SAMD12: variants seen among roughly 807,000 people sequenced by gnomAD.
The protein encoded by SAMD12 is sterile alpha motif domain-containing protein 12.
SAMD12 carries 9 observed loss-of-function variants against 15.0 expected under a neutral mutation model. That is an observed-to-expected ratio of 0.60 (90% CI 0.36 to 1.05). SAMD12 has a LOEUF of 1.05. Among genes scored for constraint, SAMD12 ranks in the 50% least tolerant of loss-of-function variants. SAMD12 has a pLI of 0.01. For synonymous variants in SAMD12, 86 were observed against 90.1 expected, an observed-to-expected ratio of 0.96 and a Z score of 0.25; for missense variants, 230 against 234.2, an observed-to-expected ratio of 0.98 and a Z score of 0.12.
chr8:118,532,795 C>A (rs1825726890), intron 2 of SAMD12, among the ~76,000 whole-genome samples: 1 of 152,060 alleles, frequency 6.6e-6, no homozygotes, highest in Non-Finnish European at 1.5e-5. Context: ...TCCCCTTTAT[C>A]ATTTTTTATT....
intron 2 of SAMD12, among the ~76,000 whole-genome samples, chr8:118,560,760 T>C (rs1826678550): frequency 6.6e-6 from 1 of 152,160 alleles, no homozygotes; most frequent in Non-Finnish European, 1.5e-5. Context: ...TATGCGCATG[T>C]GAGAGGTCAC....
intron 2 of SAMD12, among the ~76,000 whole-genome samples, chr8:118,474,744 C>T (rs879853686): frequency 5.9e-5 from 9 of 152,060 alleles, no homozygotes; most frequent in African/African-American, 9.7e-5. Flanking sequence ...TTCCCATCAA[C>T]CCAATAAGAC....
chr8:118,558,665 TCTCC>T (rs1351908626), intron 2 of SAMD12, among the ~76,000 whole-genome samples: 2 of 152,112 alleles, frequency 1.3e-5, no homozygotes, highest in Non-Finnish European at 2.9e-5. Flanking sequence ...TTCACGCCAT[TCTCC>T]TGCCTCAGCC....
chr8:118,451,083 G>A (rs1001018964), intron 2 of SAMD12, among the ~76,000 whole-genome samples: 2 of 152,150 alleles, frequency 1.3e-5, no homozygotes, highest in African/African-American at 2.4e-5. Flanking sequence ...AGGTATTACT[G>A]CTAGTAGAGA....
At chr8:118,610,780 G>A (rs1158260239) in intron 1 of SAMD12, among the ~76,000 whole-genome samples, 2 of 152,162 alleles carry the variant, frequency 1.3e-5, no homozygotes, top group African/African-American at 2.4e-5. Flanking sequence ...TAGGATAAGA[G>A]CTTCAGTCTC....
intron 2 of SAMD12, among the ~76,000 whole-genome samples, chr8:118,462,737 A>G (rs1040845670): frequency 2.0e-5 from 3 of 152,212 alleles, no homozygotes; most frequent in Admixed American, 6.5e-5. Context: ...CAAGGACCAC[A>G]TGGGAAGACA....
intron 2 of SAMD12, among the ~76,000 whole-genome samples, chr8:118,537,392 T>G (rs11987118): frequency 0.019 from 2,899 of 152,320 alleles, 80 homozygotes; most frequent in African/African-American, 0.062. Flanking sequence ...TATCTTCTCT[T>G]TAGGGCAATA....
At chr8:118,567,569 G>T (rs1826885948) in intron 2 of SAMD12, among the ~76,000 whole-genome samples, 1 of 152,170 alleles carries the variant, frequency 6.6e-6, no homozygotes, top group South Asian at 2.1e-4. Flanking sequence ...AATTATCTAA[G>T]GGACAAAGAG....
At chr8:118,556,897 G>A (rs1826548113) in intron 2 of SAMD12, among the ~76,000 whole-genome samples, 1 of 151,926 alleles carries the variant, frequency 6.6e-6, no homozygotes, top group African/African-American at 2.4e-5. Context: ...CTGGGATGCA[G>A]AGGTTGCAGT....
chr8:118,348,458 C>T (rs1378583302), intron 4 of SAMD12, among the ~76,000 whole-genome samples: 1 of 151,706 alleles, frequency 6.6e-6, no homozygotes, highest in Non-Finnish European at 1.5e-5. Flanking sequence ...GCAAGCTCCG[C>T]CCCCCGGGGT....
At chr8:118,235,326 T>C (rs1331386016) in intron 4 of SAMD12, among the ~76,000 whole-genome samples, 1 of 152,104 alleles carries the variant, frequency 6.6e-6, no homozygotes, top group African/African-American at 2.4e-5. Flanking sequence ...TTCTCCTGCC[T>C]CAGCCTCTGA....
At chr8:118,432,894 G>A (rs538121260) in intron 3 of SAMD12, among the ~76,000 whole-genome samples, 1 of 152,124 alleles carries the variant, frequency 6.6e-6, no homozygotes, top group African/African-American at 2.4e-5. Context: ...TACCACCACT[G>A]CCACTGCCGC....
intron 4 of SAMD12, among the ~76,000 whole-genome samples, chr8:118,217,336 A>T (rs1298751492): frequency 6.6e-6 from 1 of 152,116 alleles, no homozygotes; most frequent in Non-Finnish European, 1.5e-5. Context: ...GCTCCCATCT[A>T]TTCAAAACAC....
At chr8:118,164,975 A>ATGTGTGTGCG in the SAMD12 span, among the ~76,000 whole-genome samples, 1 of 144,124 alleles carries the variant, frequency 6.9e-6, no homozygotes, top group South Asian at 2.3e-4. Flanking sequence ...CTGACACTAG[A>ATGTGTGTGCG]TGTGTGTGTG....
intron 3 of SAMD12, among the ~76,000 whole-genome samples, chr8:118,393,476 G>A (rs993787794): frequency 3.3e-5 from 5 of 151,946 alleles, no homozygotes; most frequent in Admixed American, 2.0e-4. Context: ...ACCTGAGCTC[G>A]ATCTCCTGGC....
In SAMD12 at chr8:118,378,925, A is replaced by C. The variant is rs1451196971; in HGVS notation, c.*492T>G. ...CTGTTAAGAATTATATACTCTTAAC[A>C]GTGTAGTTTTAGATTCACTATAGTC... On this transcript the variant is annotated 3_prime_UTR_variant, in exon 4 of 4. Transcript: ENST00000314727. 114 of 947,302 alleles carry C rather than the reference A, an allele frequency of 1.2e-4. No individual in the cohort carries two copies. Among genetic ancestry groups the C allele is most frequent in the Non-Finnish European group, 1.4e-4 (112 of 793,978 alleles). 58.7% of individuals were successfully genotyped at this position (947,302 alleles called of 1,614,324 possible). A position where few individuals can be genotyped will look rare whatever the true frequency, so the allele number is the denominator to read the frequency against.
At chr8:118,314,561 T>C (rs989361096) in intron 4 of SAMD12, among the ~76,000 whole-genome samples, 5 of 152,228 alleles carry the variant, frequency 3.3e-5, no homozygotes, top group Admixed American at 1.3e-4. Context: ...TCACCATCCC[T>C]GACCCCTGGC....
the SAMD12 span, among the ~76,000 whole-genome samples, chr8:118,151,510 G>A: frequency 6.6e-6 from 1 of 152,076 alleles, no homozygotes; most frequent in Non-Finnish European, 1.5e-5. Flanking sequence ...AGTGATCATA[G>A]CAGGAACCAA....
At chr8:118,457,480 C>T (rs1823293482) in intron 2 of SAMD12, among the ~76,000 whole-genome samples, 1 of 151,884 alleles carries the variant, frequency 6.6e-6, no homozygotes, top group African/African-American at 2.4e-5. Context: ...ATCATCCCTG[C>T]TACTAACATT....
Sources: gnomAD v4.1 joint callset for allele counts (sites outside exome capture counted in the v4.1 genomes callset) on GRCh38, gnomAD v4.1.1 for gene constraint, MANE v1.5 for transcripts, NCBI Gene and HGNC (gene_info 2026-07-23, HGNC 2026-07-21) for gene names.